Variants in MEP1B observed in about 807,000 individuals in gnomAD.
MEP1B encodes the protein meprin A subunit beta.
Under a neutral mutation model 84.6 loss-of-function variants are expected in MEP1B, and 80 were observed. The observed-to-expected ratio is 0.95, with a 90% CI of 0.79 to 1.14. The LOEUF is 1.14. Among genes scored for constraint, MEP1B ranks in the 50% most tolerant of loss-of-function variants. The pLI, the probability that MEP1B is intolerant of heterozygous loss-of-function variation, is 0.00. For synonymous variants in MEP1B, 273 were observed against 288.1 expected (o/e 0.95, Z 0.53); for missense variants, 766 against 855.1 (o/e 0.90, Z 1.30).
intron 10 of MEP1B, among the ~76,000 whole-genome samples, chr18:32,211,191 C>G (rs2041023417): frequency 6.6e-6 from 1 of 152,094 alleles, no homozygotes; most frequent in African/African-American, 2.4e-5. Context: ...TTGCTTGAAC[C>G]CGGGAGGCGG....
intron 4 of MEP1B, among the ~76,000 whole-genome samples, chr18:32,195,100 A>T (rs1046801576): frequency 6.6e-6 from 1 of 152,190 alleles, no homozygotes; most frequent in African/African-American, 2.4e-5. Flanking sequence ...GCAAATTTTT[A>T]ATCTTTAAGT....
In MEP1B at chr18:32,215,067, A is replaced by G. The variant is rs374514638; in HGVS notation, c.1580-15A>G. 6.4e-7 allele frequency: 1 copy of G among 1,564,430 alleles called. No individual in the cohort carries two copies. The highest frequency in any genetic ancestry group is 1.4e-5 in the African/African-American group (1 of 72,900). On this transcript the variant is annotated splice_polypyrimidine_tract_variant and intron_variant, in intron 11 of 14. Coordinates refer to ENST00000269202, the MANE Select transcript of MEP1B (RefSeq NM_005925.3). Reference sequence around the variant, plus strand: ...GATGATAAACACACTCCATTAATATAAATTGCTTTTTCAGATAATGGAAAC... The same window carrying G: ...GATGATAAACACACTCCATTAATATGAATTGCTTTTTCAGATAATGGAAAC...
At chr18:32,203,080 A>C in intron 6 of MEP1B, 70 bp downstream of exon 6, 1 of 890,914 alleles carries the variant, frequency 1.1e-6, no homozygotes, top group Non-Finnish European at 1.8e-6. Flanking sequence ...ACATTGCAGC[A>C]ATCATCCTAG....
intron 11 of MEP1B, among the ~76,000 whole-genome samples, chr18:32,214,352 G>A (rs1157936240): frequency 6.6e-6 from 1 of 152,088 alleles, no homozygotes; most frequent in African/African-American, 2.4e-5. Flanking sequence ...TGGAATTATG[G>A]CAAGCTGAAT....
At chr18:32,197,825 G>A (rs947789746) in intron 5 of MEP1B, among the ~76,000 whole-genome samples, 1 of 152,188 alleles carries the variant, frequency 6.6e-6, no homozygotes, top group Non-Finnish European at 1.5e-5. Flanking sequence ...GGGTACAAAT[G>A]AACCCATCAC....
Position 32,196,144 on chromosome 18 carries a change from C to T in MEP1B, c.250+659C>T, listed in dbSNP as rs1051555334. The stretch of plus-strand genomic sequence containing the variant: ...GGGCTCCTTGGCCTCATCCCTGTTT[C>T]TGCTGGCCTTCTGGAGCTGGTGTCA... On this transcript the variant is annotated intron_variant, in intron 5 of 14. Coordinates refer to ENST00000269202, the MANE Select transcript of MEP1B (RefSeq NM_005925.3). The surrounding 1 kb of genome is among the most constrained non-coding windows in gnomAD (Gnocchi z 4.4). 1 of 576,062 alleles carries T rather than the reference C, an allele frequency of 1.7e-6. No individual in the cohort carries two copies. The highest frequency in any genetic ancestry group is 3.2e-6 in the Non-Finnish European group (1 of 309,500). 35.7% of individuals were successfully genotyped at this position (576,062 alleles called of 1,614,324 possible).
At chr18:32,216,266 C>A (rs1455837680) in intron 12 of MEP1B, among the ~76,000 whole-genome samples, 1 of 152,028 alleles carries the variant, frequency 6.6e-6, no homozygotes, top group African/African-American at 2.4e-5. Flanking sequence ...CTAGATGATA[C>A]CTCTTGGAGA....
At position 32,194,751 on chromosome 18, in the gene MEP1B, T is replaced by C. The variant is rs76941808; in HGVS notation, c.172-656T>C. On this transcript the variant is annotated intron_variant, in intron 4 of 14. Coordinates refer to ENST00000269202, the MANE Select transcript of MEP1B (RefSeq NM_005925.3). ...ACTGTCCTGATCACTCCATCTCATG[T>C]ACTCCGTCATCCCTGTGCCCTTGTT... Among the ~76,000 whole-genome samples the C allele has an allele frequency of 1.9e-3, 291 of 152,270 alleles. 1 individual carries two copies. The highest frequency in any genetic ancestry group is 6.6e-3 in the African/African-American group (273 of 41,556).
rs2041098802 is a variant in MEP1B, at chr18:32,217,128, T to C, written c.1886+11T>C. ...CAAAGCTGAGTGCAGGTAAGGATGA[T>C]TTGAAAGAGATCTCTCCATTCTTTG... On this transcript the variant is annotated intron_variant, in intron 13 of 14. Coordinates refer to ENST00000269202, the MANE Select transcript of MEP1B (RefSeq NM_005925.3). The C allele has an allele frequency of 6.2e-7, 1 of 1,611,754 alleles. No individual in the cohort carries two copies. Among genetic ancestry groups the C allele is most frequent in the Non-Finnish European group, 8.5e-7 (1 of 1,179,108 alleles).
In MEP1B at chr18:32,190,515, G is replaced by A. The variant is rs146812932; in HGVS notation, c.63+382G>A. ...GTCAGTACTTACAAAGTTTTATAAC[G>A]TGGTATTTCTCTTATGCTTCTTCAT... On this transcript the variant is annotated intron_variant, in intron 1 of 14. Transcript: ENST00000269202. Among the ~76,000 whole-genome samples the A allele has an allele frequency of 2.1e-3, 323 of 152,188 alleles. 15 individuals are homozygous for A. The East Asian group carries it at 0.06, about 28-fold the overall frequency.
At chr18:32,211,423 T>C (rs1334865619) in intron 10 of MEP1B, among the ~76,000 whole-genome samples, 1 of 152,224 alleles carries the variant, frequency 6.6e-6, no homozygotes, top group African/African-American at 2.4e-5. Context: ...GAATTATTAA[T>C]AGATCTGTCT....
At chr18:32,213,990 A>T (rs1043117186) in intron 11 of MEP1B, among the ~76,000 whole-genome samples, 27 of 152,304 alleles carry the variant, frequency 1.8e-4, no homozygotes, top group Admixed American at 1.2e-3. Context: ...GAATTAGTAC[A>T]GGTCAAGTGT....
At chr18:32,212,885 A>G (rs1267451831) in intron 10 of MEP1B, among the ~76,000 whole-genome samples, 2 of 152,198 alleles carry the variant, frequency 1.3e-5, no homozygotes, top group Non-Finnish European at 2.9e-5. Flanking sequence ...AGGGTGATCT[A>G]TTTGAGAAAC....
rs927728561 is a variant in MEP1B, at chr18:32,194,465, T to G, written c.172-942T>G. 2.0e-5 allele frequency among the ~76,000 whole-genome samples: 3 copies of G among 152,162 alleles called. No homozygotes were observed. In the South Asian group the frequency reaches 6.2e-4, roughly 31 times the overall value. On this transcript the variant is annotated intron_variant, in intron 4 of 14. Transcript: ENST00000269202. ...TAGTCCCAGCTGTCTAAGCCTAGCA[T>G]GCCTTAGCTCCTGCTTCTGTCCTCC...
intron 5 of MEP1B, among the ~76,000 whole-genome samples, chr18:32,199,885 A>G (rs927135933): frequency 1.3e-5 from 2 of 152,140 alleles, no homozygotes; most frequent in Admixed American, 1.3e-4. Flanking sequence ...CAGGCAATCC[A>G]CCCACCTCGG....
At chr18:32,205,694 T>C (rs910370642) in intron 7 of MEP1B, among the ~76,000 whole-genome samples, 2 of 152,248 alleles carry the variant, frequency 1.3e-5, no homozygotes, top group African/African-American at 4.8e-5. Flanking sequence ...AATCATTCCA[T>C]TTCAAGTTGA....
intron 4 of MEP1B, among the ~76,000 whole-genome samples, chr18:32,193,669 T>C (rs1436638614): frequency 6.6e-6 from 1 of 152,154 alleles, no homozygotes; most frequent in Non-Finnish European, 1.5e-5. Flanking sequence ...ACCCAGTAGA[T>C]CTTTTCCTGT....
chr18:32,200,225 G>A (rs1243374670), intron 5 of MEP1B, among the ~76,000 whole-genome samples: 1 of 152,006 alleles, frequency 6.6e-6, no homozygotes, highest in African/African-American at 2.4e-5. Flanking sequence ...AATGAAAAAT[G>A]TTAGGTAAAA....
intron 4 of MEP1B, among the ~76,000 whole-genome samples, chr18:32,194,687 G>A (rs1011491376): frequency 3.9e-5 from 6 of 152,054 alleles, no homozygotes; most frequent in East Asian, 1.9e-4. Context: ...TCTGTCTTGC[G>A]ATCCCTATTT....
Sources: allele counts gnomAD v4.1 joint callset (sites outside exome capture counted in the v4.1 genomes callset), GRCh38; gene constraint gnomAD v4.1.1; non-coding constraint Gnocchi (gnomAD v3.1); transcripts MANE v1.5; gene names NCBI Gene and HGNC (gene_info 2026-07-23, HGNC 2026-07-21).